The following CCDC141 variants were observed in gnomAD, a reference collection of about 807,000 sequenced individuals.
CCDC141 encodes the protein coiled-coil domain-containing protein 141.
Under a neutral mutation model 181.0 loss-of-function variants are expected in CCDC141, and 168 were observed. That is an observed-to-expected ratio of 0.93 (90% confidence interval 0.82 to 1.05). The LOEUF (loss-of-function observed/expected upper bound fraction) is 1.05, where lower values mean the gene tolerates loss of function less well. Ranked by LOEUF, CCDC141 falls within the 50% of genes least tolerant of loss-of-function variation. The pLI, the probability that CCDC141 is intolerant of heterozygous loss-of-function variation, is 0.00. For synonymous variants in CCDC141, 666 were observed against 642.3 expected (o/e 1.04, Z -0.56); for missense variants, 1,902 against 1,788.5 (o/e 1.06, Z -1.14).
At chr2:178,992,640 T>C (rs1559034321) in intron 2 of CCDC141, among the ~76,000 whole-genome samples, 1 of 152,156 alleles carries the variant, frequency 6.6e-6, no homozygotes, top group South Asian at 2.1e-4. Context: ...CATTTCTGAG[T>C]AGAAGTATTA....
intron 2 of CCDC141, among the ~76,000 whole-genome samples, chr2:179,043,551 A>G (rs929753770): frequency 1.3e-5 from 2 of 152,378 alleles, no homozygotes; most frequent in Middle Eastern, 3.4e-3. Flanking sequence ...GATTCATTAC[A>G]TAAACAGAAC....
chr2:178,924,852 G>A (rs1162126620), intron 6 of CCDC141, among the ~76,000 whole-genome samples: 1 of 152,190 alleles, frequency 6.6e-6, no homozygotes, highest in African/African-American at 2.4e-5. Flanking sequence ...AAATCATTGC[G>A]ACTGAACCAG....
intron 4 of CCDC141, among the ~76,000 whole-genome samples, chr2:178,967,980 G>A (rs982887613): frequency 6.6e-6 from 1 of 152,092 alleles, no homozygotes; most frequent in Non-Finnish European, 1.5e-5. Flanking sequence ...AAGATCAGAA[G>A]AGACAAAGAA....
chr2:178,990,416 A>G (rs1392047540), intron 2 of CCDC141, among the ~76,000 whole-genome samples: 1 of 152,032 alleles, frequency 6.6e-6, no homozygotes, highest in Non-Finnish European at 1.5e-5. Flanking sequence ...ACAATAGCCA[A>G]AAGACAGAAA....
At chr2:178,961,149 A>T in intron 5 of CCDC141, 81 bp downstream of exon 5, 2 of 1,443,134 alleles carry the variant, frequency 1.4e-6, no homozygotes, top group Admixed American at 4.7e-5. Context: ...GAAGACTGAC[A>T]AACTGCCCCA....
At position 178,918,829 on chromosome 2, in the gene CCDC141, G is replaced by A; in HGVS notation, c.976C>T (p.His326Tyr). 3 of 1,550,578 alleles carry A rather than the reference G, an allele frequency of 1.9e-6. No individual in the cohort carries two copies. Among genetic ancestry groups the A allele is most frequent in the Non-Finnish European group, 2.6e-6 (3 of 1,146,946 alleles). ...LLSKDYVEKE[H>Y]LQLSHQKLSQ... Reference sequence around the variant, plus strand: ...AGTTTCTGGTGAGAGAGCTGGAGGTGTTCTTTCTCCACGTAGTCCTTTGAC... The same window carrying A: ...AGTTTCTGGTGAGAGAGCTGGAGGTATTCTTTCTCCACGTAGTCCTTTGAC... Residue 326 changes from histidine (H) to tyrosine (Y), a missense_variant, in exon 7 of 24, where the codon CAC (histidine) becomes TAC (tyrosine). Physicochemically the swap from His to Tyr is moderately conservative, Grantham distance 83. Transcript: ENST00000443758.
chr2:178,824,679 T>C, the CCDC141 span, among the ~76,000 whole-genome samples: 1 of 149,008 alleles, frequency 6.7e-6, no homozygotes, highest in African/African-American at 2.5e-5. Context: ...CCCTGTACCT[T>C]AGACTGTGCT....
At chr2:178,860,090 A>G (rs184570311) in intron 17 of CCDC141, among the ~76,000 whole-genome samples, 3 of 152,292 alleles carry the variant, frequency 2.0e-5, no homozygotes, top group Admixed American at 2.0e-4. Flanking sequence ...TGACTGGTCA[A>G]TCTCCACAAT....
intron 2 of CCDC141, among the ~76,000 whole-genome samples, chr2:179,006,620 T>A (rs2042129996): frequency 6.6e-6 from 1 of 152,172 alleles, no homozygotes; most frequent in Non-Finnish European, 1.5e-5. Flanking sequence ...GCATGTGAAA[T>A]GTTTAACTTT....
the CCDC141 span, among the ~76,000 whole-genome samples, chr2:178,824,057 GAA>G: frequency 2.7e-4 from 27 of 99,612 alleles, no homozygotes; most frequent in African/African-American, 8.7e-4. Context: ...CTCATACAGA[GAA>G]AAACACACAC....
At chr2:178,857,689 T>C (rs1685445728) in intron 17 of CCDC141, among the ~76,000 whole-genome samples, 1 of 152,106 alleles carries the variant, frequency 6.6e-6, no homozygotes. Flanking sequence ...AAACACCTTC[T>C]CAGATTATAT....
At chr2:178,948,603 G>A (rs1689826706) in intron 5 of CCDC141, among the ~76,000 whole-genome samples, 1 of 152,272 alleles carries the variant, frequency 6.6e-6, no homozygotes, top group East Asian at 1.9e-4. Context: ...GATCCCCAGT[G>A]TTGGAGATGG....
intron 2 of CCDC141, among the ~76,000 whole-genome samples, chr2:179,010,745 A>G (rs1170128040): frequency 6.6e-6 from 1 of 152,210 alleles, no homozygotes; most frequent in African/African-American, 2.4e-5. Flanking sequence ...CAAGTTAAAA[A>G]GCAAAAACAA....
chr2:178,980,384 A>G (rs1691320155), intron 2 of CCDC141, among the ~76,000 whole-genome samples: 1 of 152,098 alleles, frequency 6.6e-6, no homozygotes, highest in Non-Finnish European at 1.5e-5. Context: ...CAGGAGGTGG[A>G]GCTTGCAGTG....
At chr2:178,890,439 A>G (rs1687092914) in intron 8 of CCDC141, among the ~76,000 whole-genome samples, 1 of 152,116 alleles carries the variant, frequency 6.6e-6, no homozygotes, top group East Asian at 1.9e-4. Context: ...CCTAGGGGAA[A>G]CTAGATCTCA....
chr2:178,867,129 C>A (rs1471058533), intron 16 of CCDC141, among the ~76,000 whole-genome samples: 1 of 152,198 alleles, frequency 6.6e-6, no homozygotes, highest in Non-Finnish European at 1.5e-5. Flanking sequence ...CAAATCCAAC[C>A]AGCCCTGGCT....
At chr2:178,939,935 G>T (rs1244312884) in intron 6 of CCDC141, among the ~76,000 whole-genome samples, 1 of 152,044 alleles carries the variant, frequency 6.6e-6, no homozygotes, top group African/African-American at 2.4e-5. Context: ...TAATTCACAG[G>T]GATAAACAAC....
At chr2:178,936,171 A>T (rs775923252) in intron 6 of CCDC141, among the ~76,000 whole-genome samples, 7 of 152,066 alleles carry the variant, frequency 4.6e-5, no homozygotes, top group Non-Finnish European at 8.8e-5. Flanking sequence ...CTCTTTGCCT[A>T]TTCCTATGTC....
At chr2:179,024,396 T>C (rs76170325) in intron 2 of CCDC141, among the ~76,000 whole-genome samples, 4,410 of 152,364 alleles carry the variant, frequency 0.029, 210 homozygotes, top group African/African-American at 0.1. Context: ...TATGTATTCA[T>C]TCATTCATTC....
Sources: gnomAD v4.1 joint callset for allele counts (sites outside exome capture counted in the v4.1 genomes callset) on GRCh38, gnomAD v4.1.1 for gene constraint, MANE v1.5 for transcripts, NCBI Gene and HGNC (gene_info 2026-07-23, HGNC 2026-07-21) for gene names.